Variants in RBFOX1 observed in about 807,000 individuals in gnomAD.
RBFOX1 encodes the protein RNA binding fox-1 homolog 1.
A neutral mutation model predicts 57.7 loss-of-function variants in RBFOX1; 8 were observed. That is an observed-to-expected ratio of 0.14 (90% CI 0.08 to 0.25). The LOEUF is 0.25. Among genes scored for constraint, RBFOX1 ranks in the 10% least tolerant of loss-of-function variants. RBFOX1 has a pLI of 1.00. For synonymous variants in RBFOX1, 326 were observed against 222.4 expected (o/e 1.47, Z -4.15); for missense variants, 611 against 548.5 (o/e 1.11, Z -1.14).
chr16:7,303,946 GT>G (rs1446923097), intron 4 of RBFOX1, among the ~76,000 whole-genome samples: 1 of 151,830 alleles, frequency 6.6e-6, no homozygotes, highest in Non-Finnish European at 1.5e-5. Context: ...CCCTCTGCCG[GT>G]TCTCGTGTCA....
At chr16:5,873,475 A>T (rs1173855105) in intron 4 of RBFOX1, among the ~76,000 whole-genome samples, 2 of 152,218 alleles carry the variant, frequency 1.3e-5, no homozygotes, top group Non-Finnish European at 2.9e-5. Context: ...AGAATATTTA[A>T]AGAACTCTAA....
intron 3 of RBFOX1, among the ~76,000 whole-genome samples, chr16:6,780,468 ATATACATTTT>A (rs2080767770): frequency 8.9e-6 from 1 of 112,042 alleles, no homozygotes; most frequent in Non-Finnish European, 1.7e-5. Flanking sequence ...ATATATATTT[ATATACATTTT>A]TATATATATT....
At chr16:6,946,814 C>T (rs538675215) in intron 3 of RBFOX1, among the ~76,000 whole-genome samples, 2 of 152,114 alleles carry the variant, frequency 1.3e-5, no homozygotes, top group African/African-American at 4.8e-5. Context: ...ACTGTATTGC[C>T]CAAGGCTGGT....
intron 4 of RBFOX1, among the ~76,000 whole-genome samples, chr16:5,941,267 A>T (rs148573440): frequency 2.5e-4 from 38 of 152,146 alleles, no homozygotes; most frequent in Admixed American, 1.3e-3. Context: ...AGGTAGGAGG[A>T]TGGATTGAGG....
At chr16:7,678,148 TAAC>T (rs1326755879) in intron 14 of RBFOX1, among the ~76,000 whole-genome samples, 2 of 152,216 alleles carry the variant, frequency 1.3e-5, no homozygotes, top group Admixed American at 6.5e-5. Flanking sequence ...TAAGCAGCCA[TAAC>T]AAGTTCTCAA....
chr16:5,333,842 C>T (rs2064828657), intron 1 of RBFOX1, among the ~76,000 whole-genome samples: 1 of 152,154 alleles, frequency 6.6e-6, no homozygotes, highest in South Asian at 2.1e-4. Flanking sequence ...ATTTGTGTAT[C>T]ATATCTCAAC....
chr16:7,052,806 C>T (rs566024116), intron 4 of RBFOX1, among the ~76,000 whole-genome samples: 1 of 152,126 alleles, frequency 6.6e-6, no homozygotes, highest in East Asian at 1.9e-4. Flanking sequence ...GGATTTCTTC[C>T]CATTTGTTTT....
At chr16:7,579,356 C>G (rs2093576737) in intron 5 of RBFOX1, among the ~76,000 whole-genome samples, 2 of 152,160 alleles carry the variant, frequency 1.3e-5, no homozygotes, top group Admixed American at 6.5e-5. Flanking sequence ...GAAATACACA[C>G]TGTCCTGCCT....
intron 1 of RBFOX1, among the ~76,000 whole-genome samples, chr16:6,285,407 C>G (rs892561603): frequency 6.6e-6 from 1 of 152,146 alleles, no homozygotes. Flanking sequence ...TGAGTGCAGT[C>G]TTCATGCTGA....
At chr16:7,650,611 A>G (rs17144475) in intron 11 of RBFOX1, among the ~76,000 whole-genome samples, 3,530 of 152,252 alleles carry the variant, frequency 0.023, 69 homozygotes, top group South Asian at 0.04. Context: ...ATATCTCAAC[A>G]TCTAAATCCT....
At chr16:6,621,171 C>G (rs1362962286) in intron 2 of RBFOX1, among the ~76,000 whole-genome samples, 2 of 152,166 alleles carry the variant, frequency 1.3e-5, no homozygotes, top group Non-Finnish European at 2.9e-5. Context: ...CTTATAAAAA[C>G]ACTAGTCAGG....
intron 1 of RBFOX1, among the ~76,000 whole-genome samples, chr16:5,438,550 C>T (rs1175471175): frequency 4.6e-5 from 7 of 152,178 alleles, no homozygotes; most frequent in East Asian, 3.9e-4. Context: ...GAAAGGCTCC[C>T]CACCCAGCTA....
At chr16:6,851,330 G>A (rs1332480978) in intron 3 of RBFOX1, among the ~76,000 whole-genome samples, 9 of 152,048 alleles carry the variant, frequency 5.9e-5, no homozygotes, top group African/African-American at 2.2e-4. Context: ...TTTTGTCTGT[G>A]GACTATTTTT....
At chr16:5,299,213 T>C (rs2063747851) in intron 1 of RBFOX1, among the ~76,000 whole-genome samples, 1 of 152,132 alleles carries the variant, frequency 6.6e-6, no homozygotes, top group Admixed American at 6.6e-5. Flanking sequence ...GCTTTTTTTT[T>C]TGCTCAAAAA....
chr16:6,716,984 T>C (rs962301793), intron 3 of RBFOX1, among the ~76,000 whole-genome samples: 1 of 152,126 alleles, frequency 6.6e-6, no homozygotes, highest in African/African-American at 2.4e-5. Context: ...TTAGTGCCCT[T>C]ATAAGAAGAG....
At chr16:7,010,671 C>G (rs967247243) in intron 3 of RBFOX1, among the ~76,000 whole-genome samples, 1 of 152,168 alleles carries the variant, frequency 6.6e-6, no homozygotes. Context: ...TCAAGAGATT[C>G]TCCTGCCTCA....
intron 4 of RBFOX1, among the ~76,000 whole-genome samples, chr16:5,989,935 A>G (rs549317194): frequency 1.3e-5 from 2 of 151,440 alleles, no homozygotes; most frequent in East Asian, 3.9e-4. Context: ...GGCTAAATCC[A>G]GAGGAAGCCA....
At chr16:7,073,155 C>G (rs893289580) in intron 4 of RBFOX1, among the ~76,000 whole-genome samples, 9 of 152,178 alleles carry the variant, frequency 5.9e-5, no homozygotes, top group Admixed American at 4.6e-4. Flanking sequence ...AAATTATGCT[C>G]TGCAGGCAAC....
chr16:5,360,146 C>A (rs2065503711), intron 1 of RBFOX1, among the ~76,000 whole-genome samples: 1 of 152,226 alleles, frequency 6.6e-6, no homozygotes, highest in Non-Finnish European at 1.5e-5. Flanking sequence ...GCTCCATAGG[C>A]TCCTGATCAT....
Sources: allele counts gnomAD v4.1 joint callset (sites outside exome capture counted in the v4.1 genomes callset), GRCh38; gene constraint gnomAD v4.1.1; transcripts MANE v1.5; gene names NCBI Gene and HGNC (gene_info 2026-07-23, HGNC 2026-07-21).